Variants in ZBTB20 observed in about 807,000 individuals in gnomAD.
ZBTB20 encodes the protein zinc finger and BTB domain-containing protein 20.
Under a neutral mutation model 56.9 loss-of-function variants are expected in ZBTB20, and 9 were observed. The observed-to-expected ratio is 0.16, with a 90% CI of 0.10 to 0.28. ZBTB20 has a LOEUF of 0.28. ZBTB20 is among the 10% of genes least tolerant of loss of function. The pLI is 1.00. For missense variants in ZBTB20, 655 were observed against 1,003.0 expected (o/e 0.65, Z 4.69); for synonymous variants, 417 against 420.7 (o/e 0.99, Z 0.11).
chr3:114,408,525 A>AT (rs112947085), intron 7 of ZBTB20, among the ~76,000 whole-genome samples: 4,097 of 147,708 alleles, frequency 0.028, 76 homozygotes, highest in Non-Finnish European at 0.035. Context: ...TCTTCTAGTG[A>AT]TTTTTTTTTT....
chr3:114,469,437 A>G (rs1309094163), intron 7 of ZBTB20, among the ~76,000 whole-genome samples: 1 of 152,192 alleles, frequency 6.6e-6, no homozygotes, highest in Non-Finnish European at 1.5e-5. Flanking sequence ...AACCCAGTGC[A>G]CTGTATGATG....
intron 2 of ZBTB20, among the ~76,000 whole-genome samples, chr3:114,978,936 A>C (rs1389238181): frequency 6.6e-6 from 1 of 151,936 alleles, no homozygotes; most frequent in Non-Finnish European, 1.5e-5. Context: ...ACATTTGAAA[A>C]TGTCTATCTG....
chr3:114,718,886 G>A (rs2064704558), intron 5 of ZBTB20, among the ~76,000 whole-genome samples: 1 of 151,632 alleles, frequency 6.6e-6, no homozygotes, highest in Non-Finnish European at 1.5e-5. Context: ...AATTCCCAGA[G>A]TTAATACTTT....
intron 7 of ZBTB20, among the ~76,000 whole-genome samples, chr3:114,483,141 C>T (rs947517119): frequency 1.3e-5 from 2 of 152,148 alleles, no homozygotes; most frequent in African/African-American, 4.8e-5. Flanking sequence ...AGTTTAATAA[C>T]ATAAGTCTAT....
chr3:114,362,671 A>T (rs2082011455), intron 10 of ZBTB20, among the ~76,000 whole-genome samples: 1 of 152,196 alleles, frequency 6.6e-6, no homozygotes, highest in South Asian at 2.1e-4. Flanking sequence ...GATACATGCC[A>T]TGCTGTCTCT....
chr3:114,666,839 G>A (rs1041218227), intron 6 of ZBTB20, among the ~76,000 whole-genome samples: 4 of 151,904 alleles, frequency 2.6e-5, no homozygotes, highest in East Asian at 1.9e-4. Context: ...GTGGTGTCTC[G>A]TTTCTATGGG....
intron 5 of ZBTB20, among the ~76,000 whole-genome samples, chr3:114,695,079 C>T (rs1404451807): frequency 2.0e-5 from 3 of 152,038 alleles, no homozygotes; most frequent in East Asian, 1.9e-4. Context: ...CCAGACACAA[C>T]TGGATGGATT....
chr3:114,651,551 A>G (rs1269193277), intron 6 of ZBTB20, among the ~76,000 whole-genome samples: 1 of 62,252 alleles, frequency 1.6e-5, no homozygotes, highest in East Asian at 3.3e-4. Flanking sequence ...GTTGGATAGT[A>G]AAAAAAAAAA....
rs1046115613 is a variant in ZBTB20 at position 114,350,442 on chromosome 3, C to T, written c.1636G>A (p.Gly546Ser). 6 of 1,614,020 alleles carry T rather than the reference C, an allele frequency of 3.7e-6. No homozygotes were observed. In the Admixed American group the frequency reaches 5.0e-5, roughly 13 times the overall value. ...AGCTGTGCAGTAAAGGTCGACAGAC[C>T]GGGCTGGGACACTGTCACAAACTGG... ...QTQFVTVSQP[G>S]LSTFTAQLPA... is the part of the protein sequence containing the mutation. The change falls in exon 11 of 12, where the codon GGT (glycine) becomes AGT (serine). Residue 546 changes from glycine (G) to serine (S), a missense_variant. By Grantham distance (56) the Gly-to-Ser change is moderately conservative (BLOSUM62 0). This residue lies in a region of ZBTB20 where 71 missense variants were observed against 89.4 expected (regional missense o/e 0.79). Coordinates refer to ENST00000675478, the MANE Select transcript of ZBTB20 (RefSeq NM_001348800.3).
chr3:115,136,625 A>G (rs1209022010), intron 1 of ZBTB20, among the ~76,000 whole-genome samples: 3 of 152,144 alleles, frequency 2.0e-5, no homozygotes, highest in Non-Finnish European at 4.4e-5. Flanking sequence ...CATTACACAT[A>G]TAAGACAGAA....
chr3:114,841,327 T>C (rs2074375306), intron 4 of ZBTB20, among the ~76,000 whole-genome samples: 1 of 152,044 alleles, frequency 6.6e-6, no homozygotes, highest in African/African-American at 2.4e-5. Flanking sequence ...GAGTAGAACA[T>C]ATGCAAAGAC....
chr3:114,339,188 C>T lies in ZBTB20; in HGVS notation c.2043G>A (p.Val681=), dbSNP rs769003133. The part of the protein sequence containing the change: ...FSHKTLLERH[V]ALHSASNGTP... ...TCCCATTGCTGGCACTGTGCAGGGC[C>T]ACGTGTCGCTCCAGGAGGGTCTTGT... is the stretch of plus-strand genomic sequence containing the variant. The change falls in exon 12 of 12, where the codon GTG becomes GTA. Residue 681 remains valine (V), a synonymous_variant. Coordinates refer to ENST00000675478, the MANE Select transcript of ZBTB20 (RefSeq NM_001348800.3). The surrounding 1 kb of genome is among the most constrained non-coding windows in gnomAD (Gnocchi z 4.2). 1.2e-6 allele frequency: 2 copies of T among 1,614,236 alleles called. No homozygotes were observed. The highest frequency in any genetic ancestry group is 1.7e-5 in the Admixed American group (1 of 60,032).
At chr3:114,472,624 C>T (rs1381999532) in intron 7 of ZBTB20, among the ~76,000 whole-genome samples, 2 of 151,926 alleles carry the variant, frequency 1.3e-5, no homozygotes, top group Non-Finnish European at 2.9e-5. Context: ...AGGAGAATTG[C>T]TTGAACCTGG....
intron 5 of ZBTB20, among the ~76,000 whole-genome samples, chr3:114,749,698 G>A (rs769639470): frequency 2.0e-5 from 3 of 151,954 alleles, no homozygotes; most frequent in Non-Finnish European, 4.4e-5. Flanking sequence ...ATATAACCAG[G>A]CACAAGCATG....
chr3:115,085,228 A>G (rs1332399934), intron 1 of ZBTB20, among the ~76,000 whole-genome samples: 5 of 151,918 alleles, frequency 3.3e-5, no homozygotes, highest in Admixed American at 3.3e-4. Context: ...TCAAAACACT[A>G]TTGGGTGAAT....
chr3:114,745,560 G>T (rs2066978062), intron 5 of ZBTB20, among the ~76,000 whole-genome samples: 1 of 152,114 alleles, frequency 6.6e-6, no homozygotes, highest in Admixed American at 6.6e-5. Context: ...CTGTCTCTTA[G>T]TCAAATAAAG....
intron 1 of ZBTB20, among the ~76,000 whole-genome samples, chr3:115,078,285 A>C (rs1366280662): frequency 3.3e-5 from 5 of 152,214 alleles, no homozygotes; most frequent in Non-Finnish European, 1.5e-5. Flanking sequence ...AATGAATAAA[A>C]GAGCAATATG....
At chr3:114,590,504 TA>T (rs1204106808) in intron 6 of ZBTB20, among the ~76,000 whole-genome samples, 5 of 124,376 alleles carry the variant, frequency 4.0e-5, no homozygotes, top group South Asian at 3.0e-4. Context: ...ATTTATTTAA[TA>T]AAAAATAAAA....
chr3:114,793,105 C>T (rs1239369172), intron 5 of ZBTB20, among the ~76,000 whole-genome samples: 3 of 151,888 alleles, frequency 2.0e-5, no homozygotes, highest in African/African-American at 7.3e-5. Context: ...GTCTCGAATT[C>T]CTAACTTCAA....
Sources: allele counts gnomAD v4.1 joint callset (sites outside exome capture counted in the v4.1 genomes callset), GRCh38; gene constraint gnomAD v4.1.1; regional missense constraint gnomAD v4.1.1; non-coding constraint Gnocchi (gnomAD v3.1); transcripts MANE v1.5; gene names NCBI Gene and HGNC (gene_info 2026-07-23, HGNC 2026-07-21).